The following SRPK2 variants were observed in gnomAD, a reference collection of about 807,000 sequenced individuals.
The protein encoded by SRPK2 is SFRS protein kinase 2.
Under a neutral mutation model 90.8 loss-of-function variants are expected in SRPK2, and 21 were observed. The observed-to-expected ratio is 0.23, with a 90% confidence interval of 0.16 to 0.33. The LOEUF is 0.33. Among genes scored for constraint, SRPK2 ranks in the 10% least tolerant of loss-of-function variants. The pLI is 1.00. For missense variants in SRPK2, 620 were observed against 869.0 expected, an observed-to-expected ratio of 0.71 and a Z score of 3.60; for synonymous variants, 288 against 311.1, an observed-to-expected ratio of 0.93 and a Z score of 0.78.
intron 2 of SRPK2, among the ~76,000 whole-genome samples, chr7:105,364,404 C>CGTTTTTTTTTT (rs1563290478): frequency 1.7e-5 from 2 of 116,356 alleles, no homozygotes; most frequent in Non-Finnish European, 3.5e-5. Context: ...CCGTGTGTAA[C>CGTTTTTTTTTT]GTTTTTTTTT....
intron 2 of SRPK2, among the ~76,000 whole-genome samples, chr7:105,349,270 C>G (rs781273095): frequency 6.6e-6 from 1 of 151,960 alleles, no homozygotes; most frequent in African/African-American, 2.4e-5. Context: ...CGCCTGTAAT[C>G]CCAGCACTTT....
At chr7:105,271,029 T>C (rs1805763962) in intron 2 of SRPK2, among the ~76,000 whole-genome samples, 1 of 152,172 alleles carries the variant, frequency 6.6e-6, no homozygotes, top group Admixed American at 6.5e-5. Context: ...TTTATCACTG[T>C]AGTGTTATTG....
At chr7:105,129,924 T>C (rs866061099) in intron 13 of SRPK2, among the ~76,000 whole-genome samples, 1 of 152,214 alleles carries the variant, frequency 6.6e-6, no homozygotes, top group Non-Finnish European at 1.5e-5. Context: ...TGGCTTTTCT[T>C]GTTTCTATGG....
At chr7:105,312,616 G>GT (rs1385731077) in intron 2 of SRPK2, among the ~76,000 whole-genome samples, 1 of 152,074 alleles carries the variant, frequency 6.6e-6, no homozygotes, top group Non-Finnish European at 1.5e-5. Flanking sequence ...AGATAAAATC[G>GT]TATGTATCAA....
At chr7:105,378,757 G>A (rs181079041) in intron 2 of SRPK2, among the ~76,000 whole-genome samples, 66 of 132,254 alleles carry the variant, frequency 5.0e-4, no homozygotes, top group Non-Finnish European at 9.1e-4. Flanking sequence ...GAAAGACTCC[G>A]TCTCAAAAAA....
intron 2 of SRPK2, among the ~76,000 whole-genome samples, chr7:105,381,351 T>C (rs1464273345): frequency 6.6e-6 from 1 of 151,834 alleles, no homozygotes; most frequent in East Asian, 1.9e-4. Flanking sequence ...CCAAGGCAGG[T>C]AGATCATGAC....
Position 105,232,672 on chromosome 7 carries a change from C to T in SRPK2, c.72-28887G>A, listed in dbSNP as rs1489882606. Among the ~76,000 whole-genome samples, 3 of 150,596 alleles carry T rather than the reference C, an allele frequency of 2.0e-5. No individual in the cohort carries two copies. In the Admixed American group the frequency reaches 2.0e-4, roughly 10 times the overall value. ...TGAAATAACCATTAATAAAATCAGA[C>T]CCTTTTCAAATATCTCTCCCCATTA... is the stretch of plus-strand genomic sequence containing the variant. On this transcript the variant is annotated intron_variant, in intron 2 of 15. Transcript: ENST00000393651.
chr7:105,301,209 C>T (rs1302536854), intron 2 of SRPK2, among the ~76,000 whole-genome samples: 2 of 151,270 alleles, frequency 1.3e-5, no homozygotes, highest in Non-Finnish European at 2.9e-5. Context: ...TTTGGGAGGC[C>T]GAGGCAGGCG....
intron 3 of SRPK2, among the ~76,000 whole-genome samples, chr7:105,176,499 A>C (rs1340064740): frequency 1.3e-5 from 2 of 152,142 alleles, no homozygotes; most frequent in Non-Finnish European, 2.9e-5. Context: ...GAAAAAAAAG[A>C]AATAAAATTT....
intron 7 of SRPK2, among the ~76,000 whole-genome samples, chr7:105,158,283 C>G (rs1231782394): frequency 6.8e-6 from 1 of 147,640 alleles, no homozygotes; most frequent in African/African-American, 2.5e-5. Flanking sequence ...GAGATGGAGT[C>G]TTGTTCTGTT....
At chr7:105,182,077 A>G (rs1221384984) in intron 3 of SRPK2, among the ~76,000 whole-genome samples, 1 of 151,258 alleles carries the variant, frequency 6.6e-6, no homozygotes, top group East Asian at 1.9e-4. Flanking sequence ...AAAAATACAA[A>G]AAAATTAGCC....
At chr7:105,376,526 CTTT>C (rs1047057083) in intron 2 of SRPK2, among the ~76,000 whole-genome samples, 1 of 151,094 alleles carries the variant, frequency 6.6e-6, no homozygotes, top group Admixed American at 6.6e-5. Flanking sequence ...CCTTGCCATC[CTTT>C]TTTTCTTTTT....
chr7:105,193,018 T>G (rs1481812639), intron 3 of SRPK2, among the ~76,000 whole-genome samples: 1 of 152,250 alleles, frequency 6.6e-6, no homozygotes, highest in African/African-American at 2.4e-5. Context: ...CTCTTCCTTT[T>G]GCTGTGTAAA....
intron 2 of SRPK2, among the ~76,000 whole-genome samples, chr7:105,312,362 C>A (rs1010089102): frequency 7.2e-6 from 1 of 138,662 alleles, no homozygotes; most frequent in Non-Finnish European, 1.5e-5. Flanking sequence ...ATCGTTTGAA[C>A]CCAGGAGGCG....
chr7:105,233,835 C>G (rs1743558712), intron 2 of SRPK2, among the ~76,000 whole-genome samples: 1 of 151,876 alleles, frequency 6.6e-6, no homozygotes. Flanking sequence ...CTCGGCGACA[C>G]AGCAAGACTC....
At chr7:105,334,854 A>C (rs1415382630) in intron 2 of SRPK2, among the ~76,000 whole-genome samples, 10 of 150,688 alleles carry the variant, frequency 6.6e-5, no homozygotes, top group Non-Finnish European at 1.3e-4. Flanking sequence ...AAAAACAAAA[A>C]AAAAATTAAT....
intron 2 of SRPK2, among the ~76,000 whole-genome samples, chr7:105,248,643 A>G (rs1243255757): frequency 1.3e-5 from 2 of 151,976 alleles, no homozygotes. Context: ...ATTTGAAACT[A>G]AAAATTCAAA....
intron 2 of SRPK2, among the ~76,000 whole-genome samples, chr7:105,266,659 G>GTGAA (rs1298968012): frequency 6.6e-6 from 1 of 151,590 alleles, no homozygotes; most frequent in Non-Finnish European, 1.5e-5. Flanking sequence ...TTTTTTTTAA[G>GTGAA]TGAAAGCAAA....
chr7:105,226,222 C>G (rs1037770141), intron 2 of SRPK2, among the ~76,000 whole-genome samples: 8 of 151,042 alleles, frequency 5.3e-5, no homozygotes, highest in Non-Finnish European at 8.9e-5. Flanking sequence ...TCCCAATAAA[C>G]AAAATGGAAG....
Sources: allele counts gnomAD v4.1 joint callset (sites outside exome capture counted in the v4.1 genomes callset), GRCh38; gene constraint gnomAD v4.1.1; transcripts MANE v1.5; gene names NCBI Gene and HGNC (gene_info 2026-07-23, HGNC 2026-07-21).